Variants in USP32 observed in about 807,000 individuals in gnomAD.
USP32 encodes ubiquitin carboxyl-terminal hydrolase 32.
A neutral mutation model predicts 204.8 loss-of-function variants in USP32; 59 were observed. That is an observed-to-expected ratio of 0.29 (90% CI 0.23 to 0.36). The LOEUF (loss-of-function observed/expected upper bound fraction) is 0.36, where lower values mean the gene tolerates loss of function less well. USP32 is among the 10% of genes least tolerant of loss of function. USP32 has a pLI of 1.00. For synonymous variants in USP32, 517 were observed against 678.4 expected, an observed-to-expected ratio of 0.76 and a Z score of 3.70; for missense variants, 1,160 against 1,946.4, an observed-to-expected ratio of 0.60 and a Z score of 7.60.
chr17:60,311,155 TA>T (rs2087842832), intron 2 of USP32, among the ~76,000 whole-genome samples: 1 of 152,186 alleles, frequency 6.6e-6, no homozygotes, highest in African/African-American at 2.4e-5. Context: ...GTTTCTAGCA[TA>T]AAGGACAAAC....
intron 9 of USP32, 30 bp from the exon 10 acceptor site, chr17:60,255,288 T>TC: frequency 1.4e-6 from 2 of 1,392,622 alleles, no homozygotes; most frequent in East Asian, 2.4e-5. Context: ...GTTAGGAACA[T>TC]CTTTTTTTTC....
At chr17:60,196,986 G>GTTT (rs2084537738) in intron 27 of USP32, among the ~76,000 whole-genome samples, 1 of 151,640 alleles carries the variant, frequency 6.6e-6, no homozygotes, top group Non-Finnish European at 1.5e-5. Flanking sequence ...TTCGAGACCA[G>GTTT]CCTGGCCAAC....
chr17:60,186,744 G>A (rs2084261789), intron 29 of USP32, among the ~76,000 whole-genome samples: 1 of 152,166 alleles, frequency 6.6e-6, no homozygotes, highest in Non-Finnish European at 1.5e-5. Flanking sequence ...AGGGATGTAA[G>A]TTGGGGGTGG....
At chr17:60,348,213 T>C (rs779403117) in intron 1 of USP32, among the ~76,000 whole-genome samples, 2 of 152,068 alleles carry the variant, frequency 1.3e-5, no homozygotes, top group Non-Finnish European at 2.9e-5. Context: ...AATGGGGTTT[T>C]AGAATTTTAA....
intron 13 of USP32, 51 bp downstream of exon 13, chr17:60,225,988 C>A: frequency 4.1e-6 from 6 of 1,458,852 alleles, no homozygotes; most frequent in Non-Finnish European, 5.5e-6. Flanking sequence ...AAAGAAAGAC[C>A]TATCCAGGGG....
chr17:60,371,697 G>A lies in USP32; in HGVS notation c.58+20185C>T, dbSNP rs983786702. Among the ~76,000 whole-genome samples the A allele has an allele frequency of 4.6e-5, 7 of 152,076 alleles. 1 individual carries two copies. The highest frequency in any genetic ancestry group is 1.7e-4 in the African/African-American group (7 of 41,392). On this transcript the variant is annotated intron_variant, in intron 1 of 33. Transcript: ENST00000300896. ...TGAGATACTACTTTCCAACAATCAG[G>A]ATGGCTAAACTGAAAGACTGACAAT...
intron 1 of USP32, among the ~76,000 whole-genome samples, chr17:60,420,726 T>C (rs1440430448): frequency 6.6e-6 from 1 of 152,200 alleles, no homozygotes; most frequent in East Asian, 1.9e-4. Context: ...AAGTAAAGCA[T>C]AATTGTTATT....
At chr17:60,249,985 CAAAAT>C (rs2086126678) in intron 11 of USP32, among the ~76,000 whole-genome samples, 1 of 150,664 alleles carries the variant, frequency 6.6e-6, no homozygotes, top group African/African-American at 2.4e-5. Context: ...ATAGTAGAGG[CAAAAT>C]AAAATAAAAC....
intron 1 of USP32, among the ~76,000 whole-genome samples, chr17:60,345,870 T>C (rs1318923352): frequency 3.9e-5 from 6 of 151,998 alleles, no homozygotes; most frequent in Non-Finnish European, 7.4e-5. Context: ...TAATCCCAGC[T>C]ACTTGGGAGG....
chr17:60,207,865 T>C, intron 24 of USP32, 194 bp downstream of exon 24: 1 of 876,030 alleles, frequency 1.1e-6, no homozygotes, highest in Non-Finnish European at 1.7e-6. Context: ...CCATCAGTAT[T>C]ATCCCTTTAT....
intron 1 of USP32, among the ~76,000 whole-genome samples, chr17:60,375,554 A>G (rs1225896489): frequency 2.6e-5 from 4 of 152,210 alleles, no homozygotes; most frequent in Non-Finnish European, 5.9e-5. Flanking sequence ...AACAATACAT[A>G]CTAAATTATC....
At chr17:60,315,571 C>A (rs1243705459) in intron 2 of USP32, among the ~76,000 whole-genome samples, 1 of 152,094 alleles carries the variant, frequency 6.6e-6, no homozygotes, top group Non-Finnish European at 1.5e-5. Context: ...TATGACCTGA[C>A]AATTCTGTTC....
chr17:60,256,661 C>G (rs1021969401), intron 9 of USP32: 1 of 1,053,436 alleles, frequency 9.5e-7, no homozygotes, highest in Non-Finnish European at 1.1e-6. Flanking sequence ...TCTAAATTGT[C>G]CCACTGTAGT....
chr17:60,218,125 C>T (rs2468993), intron 16 of USP32, among the ~76,000 whole-genome samples: 9,449 of 152,192 alleles, frequency 0.062, 1,049 homozygotes, highest in African/African-American at 0.22. Context: ...CGAAACACTA[C>T]TGAAAGAATT....
At chr17:60,363,940 C>T (rs991764175) in intron 1 of USP32, among the ~76,000 whole-genome samples, 4 of 152,078 alleles carry the variant, frequency 2.6e-5, no homozygotes, top group Admixed American at 1.3e-4. Context: ...TTTTCAGCTT[C>T]CCTAAAGTAA....
chr17:60,253,186 C>T (rs539185855), intron 10 of USP32, among the ~76,000 whole-genome samples: 17 of 152,252 alleles, frequency 1.1e-4, no homozygotes, highest in African/African-American at 4.1e-4. Flanking sequence ...AGTCAAAATG[C>T]TATACTCTGT....
At chr17:60,387,405 T>G (rs775148437) in intron 1 of USP32, among the ~76,000 whole-genome samples, 21 of 152,216 alleles carry the variant, frequency 1.4e-4, no homozygotes, top group Non-Finnish European at 2.5e-4. Context: ...TTATTGAGCA[T>G]ATACTATAAA....
At chr17:60,226,500 T>TATA (rs1331610918) in intron 12 of USP32, among the ~76,000 whole-genome samples, 1 of 149,554 alleles carries the variant, frequency 6.7e-6, no homozygotes, top group Non-Finnish European at 1.5e-5. Flanking sequence ...TGGCAGCCAT[T>TATA]TTTTTAACAT....
intron 15 of USP32, among the ~76,000 whole-genome samples, 164 bp downstream of exon 15, chr17:60,222,245 C>T (rs895554638): frequency 2.6e-5 from 4 of 152,098 alleles, no homozygotes; most frequent in East Asian, 1.9e-4. Flanking sequence ...AATGAATGAA[C>T]GAATGTGAAG....
Sources: allele counts gnomAD v4.1 joint callset (sites outside exome capture counted in the v4.1 genomes callset), GRCh38; gene constraint gnomAD v4.1.1; transcripts MANE v1.5; gene names NCBI Gene and HGNC (gene_info 2026-07-23, HGNC 2026-07-21).